Variants in SOX6 observed in about 807,000 individuals in gnomAD.
The protein encoded by SOX6 is transcription factor SOX-6.
SOX6 carries 11 observed loss-of-function variants against 97.8 expected under a neutral mutation model. The observed-to-expected ratio is 0.11, with a 90% confidence interval of 0.07 to 0.19. SOX6 has a LOEUF of 0.19. Ranked by LOEUF, SOX6 falls within the 10% of genes least tolerant of loss-of-function variation. The pLI, the probability that SOX6 is intolerant of heterozygous loss-of-function variation, is 1.00. For missense variants in SOX6, 810 were observed against 1,039.5 expected (o/e 0.78, Z 3.04); for synonymous variants, 360 against 371.4 (o/e 0.97, Z 0.35).
At chr11:16,158,911 T>C (rs966144464) in intron 6 of SOX6, among the ~76,000 whole-genome samples, 4 of 151,702 alleles carry the variant, frequency 2.6e-5, no homozygotes, top group Admixed American at 6.6e-5. Flanking sequence ...TGTGTGTTTG[T>C]TATCTTTTTA....
At chr11:16,224,030 C>A (rs76144152) in intron 4 of SOX6, among the ~76,000 whole-genome samples, 4,522 of 152,026 alleles carry the variant, frequency 0.03, 220 homozygotes, top group African/African-American at 0.1. Flanking sequence ...ATTTTGCCTC[C>A]TTTCCCTACT....
At chr11:16,339,191 T>A (rs1480129438) in intron 2 of SOX6, among the ~76,000 whole-genome samples, 4 of 152,146 alleles carry the variant, frequency 2.6e-5, no homozygotes, top group Admixed American at 2.0e-4. Context: ...CATCCATTCA[T>A]TATACCACGC....
intron 15 of SOX6, among the ~76,000 whole-genome samples, chr11:15,980,873 G>A (rs949989720): frequency 1.2e-4 from 19 of 152,050 alleles, no homozygotes; most frequent in African/African-American, 4.6e-4. Context: ...TGTCTTGTGT[G>A]TGTATGTGTG....
chr11:16,185,314 T>G (rs1251418960), intron 5 of SOX6, among the ~76,000 whole-genome samples: 1 of 152,172 alleles, frequency 6.6e-6, no homozygotes, highest in Non-Finnish European at 1.5e-5. Flanking sequence ...AAATCAGAAA[T>G]GTACAACTCA....
intron 3 of SOX6, among the ~76,000 whole-genome samples, chr11:16,296,457 G>T (rs1351763695): frequency 6.6e-6 from 1 of 152,088 alleles, no homozygotes; most frequent in Non-Finnish European, 1.5e-5. Flanking sequence ...GCAACGGAAT[G>T]CTGTACAGCA....
intron 3 of SOX6, among the ~76,000 whole-genome samples, chr11:16,673,575 C>T (rs1847862576): frequency 6.6e-6 from 1 of 152,110 alleles, no homozygotes; most frequent in East Asian, 1.9e-4. Context: ...CTCGAACAGA[C>T]TAATAACAAG....
intron 1 of SOX6, among the ~76,000 whole-genome samples, chr11:16,452,018 A>C (rs140972904): frequency 6.6e-5 from 10 of 151,996 alleles, no homozygotes; most frequent in Non-Finnish European, 1.0e-4. Context: ...AAATAAAATA[A>C]AATTTTAAAA....
At position 16,455,261 on chromosome 11, in the gene SOX6, A is replaced by C. The variant is rs1039421185; in HGVS notation, c.-5+21054T>G. 2.6e-5 allele frequency among the ~76,000 whole-genome samples: 4 copies of C among 152,074 alleles called. No individual in the cohort carries two copies. In the South Asian group the frequency reaches 8.3e-4, roughly 31 times the overall value. ...TCTTTCACCACATAATGTAAACCAC[A>C]GTTTATCACCACAAAAAATTTTTTT... On this transcript the variant is annotated intron_variant, in intron 1 of 15. Transcript: ENST00000396356.
At chr11:16,665,520 G>C (rs1417421359) in intron 3 of SOX6, among the ~76,000 whole-genome samples, 1 of 152,208 alleles carries the variant, frequency 6.6e-6, no homozygotes, top group Non-Finnish European at 1.5e-5. Context: ...TTCAGCCATA[G>C]TAGAGTACAG....
At chr11:16,505,133 A>C (rs1389908220) in intron 4 of SOX6, among the ~76,000 whole-genome samples, 1 of 152,238 alleles carries the variant, frequency 6.6e-6, no homozygotes, top group Non-Finnish European at 1.5e-5. Context: ...AGAGGAAGGT[A>C]GAAAGATGAG....
intron 2 of SOX6, among the ~76,000 whole-genome samples, chr11:16,338,829 T>C (rs1856543673): frequency 6.6e-6 from 1 of 152,024 alleles, no homozygotes; most frequent in Non-Finnish European, 1.5e-5. Context: ...GTAAGAAAAT[T>C]ATTAATATAT....
At chr11:16,583,634 T>TATATATATATATATAC (rs1848060287) in intron 4 of SOX6, among the ~76,000 whole-genome samples, 1 of 85,884 alleles carries the variant, frequency 1.2e-5, no homozygotes, top group Non-Finnish European at 2.3e-5. Flanking sequence ...TATATATATA[T>TATATATATATATATAC]ATACACATAC....
chr11:16,164,589 C>T (rs1031956659), intron 6 of SOX6, among the ~76,000 whole-genome samples: 5 of 151,944 alleles, frequency 3.3e-5, no homozygotes, highest in African/African-American at 7.3e-5. Context: ...TTTGGGAGGC[C>T]GAGGCGGGCG....
At chr11:16,451,828 G>T (rs1170478383) in intron 1 of SOX6, among the ~76,000 whole-genome samples, 6 of 151,870 alleles carry the variant, frequency 4.0e-5, no homozygotes, top group African/African-American at 1.5e-4. Flanking sequence ...GAGCCCAGGA[G>T]TTCGGACCAG....
chr11:16,483,557 C>G (rs1483070031), intron 4 of SOX6, among the ~76,000 whole-genome samples: 1 of 152,134 alleles, frequency 6.6e-6, no homozygotes. Context: ...GAAGAGACCT[C>G]TATTCTACTG....
At chr11:16,039,562 C>T (rs58616573) in intron 12 of SOX6, among the ~76,000 whole-genome samples, 2,670 of 151,936 alleles carry the variant, frequency 0.018, 72 homozygotes, top group African/African-American at 0.061. Flanking sequence ...CTTGAATGTA[C>T]GATGGAGATT....
chr11:16,203,671 G>A (rs1185880321), intron 4 of SOX6, among the ~76,000 whole-genome samples: 2 of 152,046 alleles, frequency 1.3e-5, no homozygotes, highest in Non-Finnish European at 2.9e-5. Context: ...ATACACTTTT[G>A]TTCCCTCCAT....
chr11:16,041,569 C>T (rs1004053522), intron 12 of SOX6, among the ~76,000 whole-genome samples: 6 of 152,062 alleles, frequency 3.9e-5, no homozygotes, highest in African/African-American at 9.7e-5. Context: ...CTATTTAATT[C>T]ACTGAAAAAT....
intron 4 of SOX6, among the ~76,000 whole-genome samples, chr11:16,199,710 C>T (rs771430634): frequency 6.6e-5 from 10 of 152,028 alleles, no homozygotes; most frequent in Admixed American, 2.0e-4. Context: ...ATTTAAGGTC[C>T]GTGAACAGTA....
Sources: gnomAD v4.1 joint callset for allele counts (sites outside exome capture counted in the v4.1 genomes callset) on GRCh38, gnomAD v4.1.1 for gene constraint, MANE v1.5 for transcripts, NCBI Gene and HGNC (gene_info 2026-07-23, HGNC 2026-07-21) for gene names.